Variants in MAP3K4 observed in about 807,000 individuals in gnomAD.
The protein encoded by MAP3K4 is MAP three kinase 1.
In MAP3K4, 67 loss-of-function variants were observed where a neutral mutation model predicts 185.6. The ratio of observed to expected loss-of-function variants is 0.36; its 90% confidence interval spans 0.30 to 0.44. The LOEUF (loss-of-function observed/expected upper bound fraction) is 0.44, where lower values mean the gene tolerates loss of function less well. MAP3K4 is among the 20% of genes least tolerant of loss of function. The pLI, the probability that MAP3K4 is intolerant of heterozygous loss-of-function variation, is 1.00. For missense variants in MAP3K4, 1,551 were observed against 1,995.1 expected, an observed-to-expected ratio of 0.78 and a Z score of 4.24; for synonymous variants, 702 against 710.4, an observed-to-expected ratio of 0.99 and a Z score of 0.19.
At position 160,991,879 on chromosome 6, in the gene MAP3K4, G is replaced by C. The variant is rs1412523111; in HGVS notation, c.-53G>C. 2 of 1,447,662 alleles carry C rather than the reference G, an allele frequency of 1.4e-6. No individual in the cohort carries two copies. The highest frequency in any genetic ancestry group is 2.7e-5 in the Admixed American group (1 of 36,720). The allele number at this position is 1,447,662 out of a possible 1,614,324, so 89.7% of individuals were successfully genotyped here. On this transcript the variant is annotated 5_prime_UTR_variant, in exon 1 of 27. Coordinates refer to ENST00000392142, the MANE Select transcript of MAP3K4 (RefSeq NM_005922.4). The surrounding 1 kb of genome is among the most constrained non-coding windows in gnomAD (Gnocchi z 5.7). ...CCGCACTTCGGGGCTCCGGTGCCCC[G>C]CGCCAGGCTGCAGCTTACTGCCCGC...
chr6:161,116,925 T>TA lies in MAP3K4; in HGVS notation c.*55_*56insA. The stretch of plus-strand genomic sequence containing the variant: ...CTCTTAATCACTACTGTATGTAATA[T>TA]TTACATAAAGACTGTGCTGAGAAGC... On this transcript the variant is annotated 3_prime_UTR_variant, in exon 27 of 27. Transcript: ENST00000392142. The surrounding 1 kb of genome is among the most constrained non-coding windows in gnomAD (Gnocchi z 6.2). The TA allele has an allele frequency of 8.1e-6, 12 of 1,488,888 alleles. No individual in the cohort carries two copies. The highest frequency in any genetic ancestry group is 1.0e-5 in the Non-Finnish European group (11 of 1,065,904). The allele number at this position is 1,488,888 out of a possible 1,614,324, so 92.2% of individuals were successfully genotyped here.
intron 2 of MAP3K4, among the ~76,000 whole-genome samples, chr6:161,044,767 G>C (rs969404869): frequency 5.3e-5 from 8 of 152,134 alleles, no homozygotes; most frequent in Non-Finnish European, 8.8e-5. Flanking sequence ...TCAGCTTCTG[G>C]TGAAGCCTCA....
At chr6:161,105,712 G>C (rs1437562532) in intron 19 of MAP3K4, among the ~76,000 whole-genome samples, 1 of 152,222 alleles carries the variant, frequency 6.6e-6, no homozygotes, top group Non-Finnish European at 1.5e-5. Context: ...GGTGTGTTCT[G>C]TAAGAGTCTT....
Position 161,053,967 on chromosome 6 carries a change from C to T in MAP3K4, c.1707+3988C>T, listed in dbSNP as rs183287685. On this transcript the variant is annotated intron_variant, in intron 3 of 26. Transcript: ENST00000392142. This position sits in a 1 kb window ranked among gnomAD's most constrained non-coding sequence, Gnocchi z 4.2. ...CAGATTGTACATAATGCATATTTTG[C>T]AGTTTTTGTGGTTTCGTGATAATAG... Among the ~76,000 whole-genome samples, 505 of 152,100 alleles carry T rather than the reference C, an allele frequency of 3.3e-3. 4 individuals are homozygous for T. Among genetic ancestry groups the T allele is most frequent in the African/African-American group, 0.012 (481 of 41,470 alleles).
rs1777615312 is a variant in MAP3K4 at position 161,097,275 on chromosome 6, A to T, written c.3524+99A>T. 1 of 981,606 alleles carries T rather than the reference A, an allele frequency of 1.0e-6. No homozygotes were observed. Among genetic ancestry groups the T allele is most frequent in the East Asian group, 2.4e-5 (1 of 40,876 alleles). The allele number at this position is 981,606 out of a possible 1,614,324, so 60.8% of individuals were successfully genotyped here. On this transcript the variant is annotated intron_variant, in intron 16 of 26. Coordinates refer to ENST00000392142, the MANE Select transcript of MAP3K4 (RefSeq NM_005922.4). The surrounding 1 kb of genome is among the most constrained non-coding windows in gnomAD (Gnocchi z 4.9). ...TAGATGCTTGCTCTGAGAGCTAAAT[A>T]CCTTTTCTGCATTGTTCGTACGTAA... is the stretch of plus-strand genomic sequence containing the variant.
intron 1 of MAP3K4, among the ~76,000 whole-genome samples, chr6:161,024,583 T>C (rs1262882854): frequency 1.3e-5 from 2 of 152,152 alleles, no homozygotes; most frequent in Non-Finnish European, 2.9e-5. Flanking sequence ...TGAGAAGTAA[T>C]GATTAGGTAT....
At chr6:161,001,511 A>G (rs981424296) in intron 1 of MAP3K4, among the ~76,000 whole-genome samples, 12 of 152,016 alleles carry the variant, frequency 7.9e-5, no homozygotes, top group Non-Finnish European at 1.3e-4. Context: ...GTTTGCCACC[A>G]TTTGTAATTA....
rs760673383 is a variant in MAP3K4 at position 161,098,282 on chromosome 6, C to T, written c.3529C>T (p.Arg1177Trp). The change falls in exon 17 of 27, where the codon CGG becomes TGG. Residue 1177 changes from arginine to tryptophan, a missense_variant. By Grantham distance (101) the Arg-to-Trp change is moderately radical. Coordinates refer to ENST00000392142, the MANE Select transcript of MAP3K4 (RefSeq NM_005922.4). The surrounding 1 kb of genome is among the most constrained non-coding windows in gnomAD (Gnocchi z 4.4). ...IIPTPEGFST[R>W]SMPSDARSHG... Reference sequence around the variant, plus strand: ...AAGCTTTTCTTCTTGTCTTAGCACTCGGAGCATGCCTTCCGACGCGCGGAG... The same window carrying T: ...AAGCTTTTCTTCTTGTCTTAGCACTTGGAGCATGCCTTCCGACGCGCGGAG... 3.7e-6 allele frequency: 6 copies of T among 1,612,540 alleles called. No individual in the cohort carries two copies. Among genetic ancestry groups the T allele is most frequent in the South Asian group, 1.1e-5 (1 of 90,892 alleles).
intron 19 of MAP3K4, among the ~76,000 whole-genome samples, chr6:161,104,753 G>A (rs991975756): frequency 1.3e-5 from 2 of 149,692 alleles, no homozygotes; most frequent in South Asian, 4.2e-4. Flanking sequence ...TTTTTTAAGC[G>A]TTTCTCAGAA....
Position 161,042,112 on chromosome 6 carries a change from A to G in MAP3K4, c.344-6504A>G, listed in dbSNP as rs141346053. On this transcript the variant is annotated intron_variant, in intron 2 of 26. Transcript: ENST00000392142. ...GATTAAGTCAGGCCCACTCAAGAAA[A>G]TCTCCCTTTTGATTAAACAAAAATG... Among the ~76,000 whole-genome samples, 701 of 151,132 alleles carry G rather than the reference A, an allele frequency of 4.6e-3. 5 individuals carry two copies. Among genetic ancestry groups the G allele is most frequent in the African/African-American group, 0.017 (681 of 41,168 alleles).
intron 19 of MAP3K4, among the ~76,000 whole-genome samples, chr6:161,104,909 A>G (rs1365927316): frequency 2.0e-5 from 3 of 152,154 alleles, no homozygotes; most frequent in African/African-American, 7.2e-5. Flanking sequence ...TTATAACTGG[A>G]CCATTATAAA....
intron 2 of MAP3K4, among the ~76,000 whole-genome samples, chr6:161,042,130 C>G (rs575160676): frequency 6.6e-6 from 1 of 151,704 alleles, no homozygotes; most frequent in Non-Finnish European, 1.5e-5. Flanking sequence ...TTTGATTAAA[C>G]AAAAATGAGC....
At position 161,077,129 on chromosome 6, in the gene MAP3K4, AAG is replaced by A. The variant is rs1451914553; in HGVS notation, c.2097+3521_2097+3522del. Among the ~76,000 whole-genome samples the A allele has an allele frequency of 6.6e-6, 1 of 152,190 alleles. No homozygotes were observed. The highest frequency in any genetic ancestry group is 1.5e-5 in the Non-Finnish European group (1 of 68,036). ...TACTATATATTGTAGTTTCTGTAAT[AAG>A]AGATTGTTTTAAAAAGCGTATAGAC... On this transcript the variant is annotated intron_variant, in intron 5 of 26. Transcript: ENST00000392142. This position sits in a 1 kb window ranked among gnomAD's most constrained non-coding sequence, Gnocchi z 4.3.
intron 15 of MAP3K4, among the ~76,000 whole-genome samples, chr6:161,095,478 C>T (rs2114877732): frequency 6.6e-6 from 1 of 152,260 alleles, no homozygotes; most frequent in Middle Eastern, 3.4e-3. Context: ...CTGTTGTAAG[C>T]ACATAACAAA....
Position 161,043,524 on chromosome 6 carries a change from C to T in MAP3K4, c.344-5092C>T, listed in dbSNP as rs1028193339. On this transcript the variant is annotated intron_variant, in intron 2 of 26. Coordinates refer to ENST00000392142, the MANE Select transcript of MAP3K4 (RefSeq NM_005922.4). This position sits in a 1 kb window ranked among gnomAD's most constrained non-coding sequence, Gnocchi z 4.3. The stretch of plus-strand genomic sequence containing the variant: ...GTGGCACCAACTTGGGCTAGGACCC[C>T]TGTTCTGACATTAACCATGTGTCTA... Among the ~76,000 whole-genome samples, 4 of 152,156 alleles carry T rather than the reference C, an allele frequency of 2.6e-5. No individual in the cohort carries two copies. Among genetic ancestry groups the T allele is most frequent in the South Asian group, 4.1e-4 (2 of 4,824 alleles).
intron 4 of MAP3K4, among the ~76,000 whole-genome samples, chr6:161,072,888 A>T (rs1316684710): frequency 6.6e-6 from 1 of 151,692 alleles, no homozygotes; most frequent in Non-Finnish European, 1.5e-5. Context: ...AAATTTGCCC[A>T]TTTTTTGTTT....
chr6:161,013,719 T>C lies in MAP3K4; in HGVS notation c.153-20540T>C, dbSNP rs114467956. On this transcript the variant is annotated intron_variant, in intron 1 of 26. Coordinates refer to ENST00000392142, the MANE Select transcript of MAP3K4 (RefSeq NM_005922.4). ...GCTGCTGCAGGGCAGGGCTGCCCCG[T>C]AGGCCAAGAGTAGCAGCTCAGGGCA... is the stretch of plus-strand genomic sequence containing the variant. Among the ~76,000 whole-genome samples, 232 of 152,364 alleles carry C rather than the reference T, an allele frequency of 1.5e-3. 1 individual carries two copies. Among genetic ancestry groups the C allele is most frequent in the African/African-American group, 5.3e-3 (220 of 41,596 alleles).
Position 161,108,605 on chromosome 6 carries a change from A to T in MAP3K4, c.4120-138A>T. On this transcript the variant is annotated intron_variant, in intron 21 of 26. Coordinates refer to ENST00000392142, the MANE Select transcript of MAP3K4 (RefSeq NM_005922.4). The surrounding 1 kb of genome is among the most constrained non-coding windows in gnomAD (Gnocchi z 5.7). ...TAGCTTGGCTAAAAACTTCCTTTTT[A>T]CTTAATTTTTTGTTGTTTTTAATTG... The T allele has an allele frequency of 1.6e-6, 1 of 643,352 alleles. No homozygotes were observed. The highest frequency in any genetic ancestry group is 2.8e-6 in the Non-Finnish European group (1 of 362,370). 39.9% of individuals were successfully genotyped at this position (643,352 alleles called of 1,614,324 possible).
chr6:161,102,816 A>AC, intron 19 of MAP3K4, 37 bp downstream of exon 19: 2 of 1,408,746 alleles, frequency 1.4e-6, no homozygotes, highest in African/African-American at 1.5e-5. Flanking sequence ...AAAAAAAAAA[A>AC]AAAAAAAACA....
Sources: allele counts gnomAD v4.1 joint callset (sites outside exome capture counted in the v4.1 genomes callset), GRCh38; gene constraint gnomAD v4.1.1; non-coding constraint Gnocchi (gnomAD v3.1); transcripts MANE v1.5; gene names NCBI Gene and HGNC (gene_info 2026-07-23, HGNC 2026-07-21).